MAP4K3: variants seen among roughly 807,000 people sequenced by gnomAD.
MAP4K3 encodes mitogen-activated protein kinase kinase kinase kinase 3, also known as MAPK/ERK kinase kinase kinase 3.
MAP4K3 carries 94 observed loss-of-function variants against 143.5 expected under a neutral mutation model. That is an observed-to-expected ratio of 0.65 (90% CI 0.55 to 0.78). The LOEUF (loss-of-function observed/expected upper bound fraction) is 0.78, where lower values mean the gene tolerates loss of function less well. Ranked by LOEUF, MAP4K3 falls within the 30% of genes least tolerant of loss-of-function variation. The pLI, the probability that MAP4K3 is intolerant of heterozygous loss-of-function variation, is 0.00. For synonymous variants in MAP4K3, 416 were observed against 347.2 expected (o/e 1.20, Z -2.20); for missense variants, 1,077 against 1,068.1 (o/e 1.01, Z -0.12).
At chr2:39,280,943 T>C (rs1195806153) in intron 22 of MAP4K3, among the ~76,000 whole-genome samples, 1 of 152,326 alleles carries the variant, frequency 6.6e-6, no homozygotes, top group African/African-American at 2.4e-5. Flanking sequence ...ATGTTAATAT[T>C]ACTTATCAAG....
chr2:39,317,275 A>C (rs545289881), intron 12 of MAP4K3, among the ~76,000 whole-genome samples: 22 of 152,222 alleles, frequency 1.4e-4, no homozygotes, highest in Non-Finnish European at 2.2e-4. Context: ...GATGGATTAC[A>C]GACTTAAATG....
chr2:39,372,710 G>A (rs1666116487), intron 2 of MAP4K3, among the ~76,000 whole-genome samples: 3 of 152,116 alleles, frequency 2.0e-5, no homozygotes, highest in Admixed American at 1.3e-4. Flanking sequence ...TTCAATAAGT[G>A]GTGCTGAGAA....
At chr2:39,255,269 G>A (rs1169983274) in intron 31 of MAP4K3, among the ~76,000 whole-genome samples, 1 of 152,120 alleles carries the variant, frequency 6.6e-6, no homozygotes, top group East Asian at 1.9e-4. Context: ...TTGAATACAT[G>A]TACAAATCTT....
chr2:39,418,995 T>G (rs1020652940), intron 1 of MAP4K3, among the ~76,000 whole-genome samples: 1 of 152,204 alleles, frequency 6.6e-6, no homozygotes, highest in Non-Finnish European at 1.5e-5. Context: ...TTGTGCCAAA[T>G]GTACCATGGT....
chr2:39,349,486 A>T (rs1017183105), intron 3 of MAP4K3, among the ~76,000 whole-genome samples: 1 of 152,210 alleles, frequency 6.6e-6, no homozygotes, highest in Admixed American at 6.5e-5. Flanking sequence ...TCCTACATGA[A>T]GTATGCTTCC....
At chr2:39,376,270 A>T (rs1666215529) in intron 2 of MAP4K3, among the ~76,000 whole-genome samples, 1 of 152,182 alleles carries the variant, frequency 6.6e-6, no homozygotes, top group African/African-American at 2.4e-5. Context: ...TGATTGAGGG[A>T]TCAAAATAAC....
intron 8 of MAP4K3, among the ~76,000 whole-genome samples, chr2:39,329,924 G>C (rs917226749): frequency 3.9e-5 from 6 of 152,120 alleles, no homozygotes; most frequent in South Asian, 2.1e-4. Context: ...ACATTTGAGG[G>C]AAGGCTCCAT....
intron 8 of MAP4K3, among the ~76,000 whole-genome samples, chr2:39,331,363 T>C (rs1683676150): frequency 6.6e-6 from 1 of 152,092 alleles, no homozygotes; most frequent in South Asian, 2.1e-4. Flanking sequence ...TATACTATGA[T>C]CAGTATCTAA....
At chr2:39,274,026 C>T (rs890571756) in intron 24 of MAP4K3, among the ~76,000 whole-genome samples, 1 of 152,128 alleles carries the variant, frequency 6.6e-6, no homozygotes, top group South Asian at 2.1e-4. Flanking sequence ...GTATCTGATA[C>T]TACATCGATG....
At chr2:39,277,841 C>T (rs1681337339) in intron 24 of MAP4K3, among the ~76,000 whole-genome samples, 1 of 151,224 alleles carries the variant, frequency 6.6e-6, no homozygotes, top group African/African-American at 2.4e-5. Flanking sequence ...GCTGGGATTA[C>T]AGGCGTGAGC....
Position 39,325,625 on chromosome 2 carries a change from G to T in MAP4K3, c.811C>A (p.Pro271Thr), listed in dbSNP as rs1256910350. The part of the protein sequence containing the change: ...RPTAEKLLQH[P>T]FVTQHLTRSL... The stretch of plus-strand genomic sequence containing the variant: ...CGTGTCAAATGTTGTGTTACAAAAG[G>T]ATGCTATAAAAATTAAATACAATGC... Residue 271 changes from proline to threonine, a missense_variant, in exon 12 of 34, where the codon CCT (proline) becomes ACT (threonine). Around this residue, in one of 2 missense-constraint regions of MAP4K3, gnomAD observed 864 missense variants for 801.2 expected, o/e 1.08. Transcript: ENST00000263881. 4 of 1,610,362 alleles carry T rather than the reference G, an allele frequency of 2.5e-6. No individual in the cohort carries two copies. The highest frequency in any genetic ancestry group is 3.4e-6 in the Non-Finnish European group (4 of 1,177,338).
intron 26 of MAP4K3, among the ~76,000 whole-genome samples, chr2:39,271,669 G>T (rs1681031707): frequency 6.6e-6 from 1 of 152,194 alleles, no homozygotes; most frequent in Non-Finnish European, 1.5e-5. Flanking sequence ...ATAGCTCACT[G>T]CAGTCTCAAC....
At chr2:39,413,251 A>C (rs559159199) in intron 1 of MAP4K3, among the ~76,000 whole-genome samples, 5 of 152,294 alleles carry the variant, frequency 3.3e-5, no homozygotes, top group African/African-American at 1.2e-4. Flanking sequence ...ACAGAAACTG[A>C]AGAGGATTTA....
At chr2:39,354,186 G>A (rs1478235307) in intron 3 of MAP4K3, among the ~76,000 whole-genome samples, 1 of 152,122 alleles carries the variant, frequency 6.6e-6, no homozygotes, top group Admixed American at 6.6e-5. Context: ...GCTCACGCGT[G>A]TAATCCCAGC....
intron 1 of MAP4K3, among the ~76,000 whole-genome samples, chr2:39,403,605 C>T (rs992739442): frequency 6.6e-6 from 1 of 152,056 alleles, no homozygotes; most frequent in Non-Finnish European, 1.5e-5. Context: ...GCAAGCCTCC[C>T]CACCATGGGA....
chr2:39,296,906 T>C (rs1043410976), intron 16 of MAP4K3, among the ~76,000 whole-genome samples: 2 of 152,192 alleles, frequency 1.3e-5, no homozygotes, highest in African/African-American at 2.4e-5. Context: ...GGTACTATTA[T>C]ATTATCCATT....
At chr2:39,304,897 G>T (rs999617124) in intron 15 of MAP4K3, among the ~76,000 whole-genome samples, 1 of 152,080 alleles carries the variant, frequency 6.6e-6, no homozygotes, top group African/African-American at 2.4e-5. Context: ...TCTGACACAC[G>T]CTGCAACACG....
At chr2:39,390,466 T>C (rs1014765645) in intron 1 of MAP4K3, among the ~76,000 whole-genome samples, 8 of 152,204 alleles carry the variant, frequency 5.3e-5, no homozygotes, top group Non-Finnish European at 1.0e-4. Flanking sequence ...CAGGAACCTA[T>C]GGTTTTAATA....
chr2:39,290,170 A>G, intron 19 of MAP4K3, 122 bp downstream of exon 19: 1 of 619,300 alleles, frequency 1.6e-6, no homozygotes, highest in Non-Finnish European at 2.7e-6. Flanking sequence ...TCATTTACTT[A>G]TATCAACTTC....
Sources: allele counts gnomAD v4.1 joint callset (sites outside exome capture counted in the v4.1 genomes callset), GRCh38; gene constraint gnomAD v4.1.1; regional missense constraint gnomAD v4.1.1; transcripts MANE v1.5; gene names NCBI Gene and HGNC (gene_info 2026-07-23, HGNC 2026-07-21).